IQSEC3: variants seen among roughly 807,000 people sequenced by gnomAD.
IQSEC3 encodes IQ motif and SEC7 domain-containing protein 3.
IQSEC3 carries 50 observed loss-of-function variants against 105.4 expected under a neutral mutation model. The observed-to-expected ratio is 0.47, with a 90% CI of 0.38 to 0.60. The LOEUF (loss-of-function observed/expected upper bound fraction) is 0.60. Ranked by LOEUF, IQSEC3 falls within the 20% of genes least tolerant of loss-of-function variation. The pLI, the probability that IQSEC3 is intolerant of heterozygous loss-of-function variation, is 0.00. For synonymous variants in IQSEC3, 708 were observed against 746.0 expected, an observed-to-expected ratio of 0.95 and a Z score of 0.83; for missense variants, 1,415 against 1,630.0, an observed-to-expected ratio of 0.87 and a Z score of 2.27.
intron 7 of IQSEC3, among the ~76,000 whole-genome samples, chr12:160,372 C>T (rs1314663771): frequency 1.3e-5 from 2 of 152,092 alleles, no homozygotes; most frequent in African/African-American, 4.8e-5. Flanking sequence ...CACCGGGAGA[C>T]CCTACTGCAG....
In IQSEC3 at chr12:174,589, T is replaced by C; in HGVS notation, c.3115-10T>C. On this transcript the variant is annotated splice_polypyrimidine_tract_variant and intron_variant, in intron 13 of 13. Coordinates refer to ENST00000538872, the MANE Select transcript of IQSEC3 (RefSeq NM_001170738.2). ...AACATTTCATGCTTCTCTGGCTGTT[T>C]CTAAACTAGGTGTCAATTCACAACA... 1.3e-6 allele frequency: 2 copies of C among 1,523,502 alleles called. No individual in the cohort carries two copies. Among genetic ancestry groups the C allele is most frequent in the East Asian group, 2.3e-5 (1 of 43,982 alleles). 94.4% of individuals were successfully genotyped at this position (1,523,502 alleles called of 1,614,324 possible). A position where few individuals can be genotyped will look rare whatever the true frequency, so the allele number is the denominator to read the frequency against.
In IQSEC3 at chr12:82,278, G is replaced by C. The variant is rs538171031; in HGVS notation, c.554+14842G>C. ...TTGTGGGTGAAATGATATTTCTGGG[G>C]CTTGCTTTATAACACTGTAGCAAAA... is the stretch of plus-strand genomic sequence containing the variant. On this transcript the variant is annotated intron_variant, in intron 1 of 13. Coordinates refer to ENST00000538872, the MANE Select transcript of IQSEC3 (RefSeq NM_001170738.2). 2.0e-5 allele frequency among the ~76,000 whole-genome samples: 3 copies of C among 152,302 alleles called. No individual in the cohort carries two copies. In the East Asian group the frequency reaches 5.8e-4, roughly 29 times the overall value.
intron 1 of IQSEC3, among the ~76,000 whole-genome samples, chr12:95,523 T>C (rs190866856): frequency 6.6e-6 from 1 of 152,318 alleles, no homozygotes; most frequent in East Asian, 1.9e-4. Context: ...ATATTTAACA[T>C]TGTCAGTCAA....
chr12:137,382 C>A (rs572382886), intron 3 of IQSEC3: 2 of 151,336 alleles, frequency 1.3e-5, no homozygotes, highest in Admixed American at 1.3e-4. Flanking sequence ...GCACGAGGAG[C>A]TGTGAGGTTT....
intron 1 of IQSEC3, among the ~76,000 whole-genome samples, chr12:86,351 C>G (rs1263817690): frequency 6.6e-6 from 1 of 152,106 alleles, no homozygotes; most frequent in East Asian, 1.9e-4. Context: ...ATGGCCATCA[C>G]CTTTAGCCTA....
At chr12:87,688 A>T (rs1389542347) in intron 1 of IQSEC3, among the ~76,000 whole-genome samples, 3 of 152,202 alleles carry the variant, frequency 2.0e-5, no homozygotes, top group African/African-American at 7.2e-5. Flanking sequence ...GAGCATGTTT[A>T]TATGCTGAAG....
intron 2 of IQSEC3, among the ~76,000 whole-genome samples, chr12:101,305 T>G (rs914467619): frequency 6.6e-6 from 1 of 152,146 alleles, no homozygotes; most frequent in Non-Finnish European, 1.5e-5. Context: ...TAGGTAGATG[T>G]GGGGCAGGGG....
intron 9 of IQSEC3, among the ~76,000 whole-genome samples, chr12:163,909 CA>C (rs1867044483): frequency 6.6e-6 from 1 of 152,104 alleles, no homozygotes; most frequent in Non-Finnish European, 1.5e-5. Context: ...CTGGCCTCTC[CA>C]CGTTACAGGA....
chr12:155,537 T>C (rs986183373), intron 5 of IQSEC3, among the ~76,000 whole-genome samples: 3 of 152,276 alleles, frequency 2.0e-5, no homozygotes, highest in Admixed American at 2.0e-4. Context: ...CAGAAACCTG[T>C]GGGAGGCGGA....
At chr12:148,129 G>A (rs574665384) in intron 5 of IQSEC3, 4 of 152,240 alleles carry the variant, frequency 2.6e-5, no homozygotes, top group African/African-American at 9.6e-5. Context: ...CCACCAAGAG[G>A]CTCCATGACT....
chr12:157,063 T>C lies in IQSEC3; in HGVS notation c.2192T>C (p.Leu731Pro). 1 of 1,607,628 alleles carries C rather than the reference T, an allele frequency of 6.2e-7. No homozygotes were observed. The highest frequency in any genetic ancestry group is 8.5e-7 in the Non-Finnish European group (1 of 1,176,954). Residue 731 changes from leucine (L) to proline (P), a missense_variant, in exon 6 of 14, where the codon CTG becomes CCG. Transcript: ENST00000538872. The stretch of plus-strand genomic sequence containing the variant: ...GAGATGGACTTCTCCAGCATGGAGC[T>C]GGACGAGGCCCTGCGCAAGTTCCAG... ...VDEMDFSSME[L>P]DEALRKFQAH...
chr12:83,232 A>G (rs1863806602), intron 1 of IQSEC3, among the ~76,000 whole-genome samples: 1 of 152,182 alleles, frequency 6.6e-6, no homozygotes. Context: ...CCAGAATCAT[A>G]TGTATACATT....
chr12:162,847 G>T (rs1866957951), intron 8 of IQSEC3, among the ~76,000 whole-genome samples: 1 of 152,140 alleles, frequency 6.6e-6, no homozygotes, highest in Non-Finnish European at 1.5e-5. Context: ...AAGGGTGGAG[G>T]TGTCATATCT....
Position 163,575 on chromosome 12 carries a change from G to A in IQSEC3, c.2665G>A (p.Ala889Thr), listed in dbSNP as rs371146590. ...VTDVNKLQKQ[A>T]AHQREVFLFN... ...GGATGTGAACAAGCTGCAGAAGCAG[G>A]CAGCGCATCAGAGGGAGGTGTTCCT... The change falls in exon 9 of 14, where the codon GCA becomes ACA. Residue 889 changes from alanine to threonine, a missense_variant. Physicochemically the swap from Ala to Thr is moderately conservative, Grantham distance 58. Coordinates refer to ENST00000538872, the MANE Select transcript of IQSEC3 (RefSeq NM_001170738.2). 5.6e-5 allele frequency: 90 copies of A among 1,604,274 alleles called. No individual in the cohort carries two copies. Among genetic ancestry groups the A allele is most frequent in the African/African-American group, 5.2e-4 (39 of 74,720 alleles).
intron 2 of IQSEC3, among the ~76,000 whole-genome samples, chr12:115,115 G>A (rs1291553225): frequency 6.6e-6 from 1 of 152,206 alleles, no homozygotes; most frequent in Non-Finnish European, 1.5e-5. Flanking sequence ...CTAGCTAAAT[G>A]TCCAGAGCAA....
intron 1 of IQSEC3, among the ~76,000 whole-genome samples, chr12:74,472 G>C (rs145126047): frequency 2.9e-3 from 438 of 152,320 alleles, no homozygotes; most frequent in Non-Finnish European, 4.5e-3. Flanking sequence ...TGTGTGCCCG[G>C]GTGGGGGTGG....
At position 141,211 on chromosome 12, in the gene IQSEC3, A is replaced by G. The variant is rs1866010635; in HGVS notation, c.2079A>G (p.Arg693=). The G allele has an allele frequency of 6.2e-7, 1 of 1,613,140 alleles. No individual in the cohort carries two copies. The highest frequency in any genetic ancestry group is 8.5e-7 in the Non-Finnish European group (1 of 1,179,944). The change falls in exon 5 of 14, where the codon CGA becomes CGG. Residue 693 remains arginine (R), a synonymous_variant. Transcript: ENST00000538872. ...GTGTGGCCCATTTCCTCCTCCAGCG[A>G]AAGGGCCTCAGCCGCCAGATGATTG... The part of the protein sequence containing the change: ...PIGVAHFLLQ[R]KGLSRQMIGE...
chr12:131,493 A>G (rs1214415301), intron 3 of IQSEC3, among the ~76,000 whole-genome samples: 1 of 152,182 alleles, frequency 6.6e-6, no homozygotes, highest in Non-Finnish European at 1.5e-5. Flanking sequence ...TCCTGCCAGG[A>G]TGCCAGGGTG....
chr12:125,842 C>G lies in IQSEC3; in HGVS notation c.833C>G (p.Ala278Gly). 1 of 1,532,674 alleles carries G rather than the reference C, an allele frequency of 6.5e-7. No individual in the cohort carries two copies. Among genetic ancestry groups the G allele is most frequent in the Non-Finnish European group, 8.7e-7 (1 of 1,145,944 alleles). The allele number at this position is 1,532,674 out of a possible 1,614,324, so 94.9% of individuals were successfully genotyped here. A position where few individuals can be genotyped will look rare whatever the true frequency, so the allele number is the denominator to read the frequency against. Residue 278 changes from alanine to glycine, a missense_variant, in exon 3 of 14, where the codon GCG becomes GGG. Ala to Gly is a moderately conservative substitution (Grantham distance 60). Around this residue, in one of 6 missense-constraint regions of IQSEC3, gnomAD observed 720 missense variants for 633.0 expected, o/e 1.14. Transcript: ENST00000538872. ...ASPGRQQPAL[A>G]TALCPHAPAA... ...CCCGGCCGGCAGCAGCCTGCCCTGGCGACGGCGCTGTGCCCCCACGCCCCT... is the reference window on the plus strand; with the variant it reads ...CCCGGCCGGCAGCAGCCTGCCCTGGGGACGGCGCTGTGCCCCCACGCCCCT...
Sources: allele counts gnomAD v4.1 joint callset (sites outside exome capture counted in the v4.1 genomes callset), GRCh38; gene constraint gnomAD v4.1.1; regional missense constraint gnomAD v4.1.1; transcripts MANE v1.5; gene names NCBI Gene and HGNC (gene_info 2026-07-23, HGNC 2026-07-21).